CDS1: variants seen among roughly 807,000 people sequenced by gnomAD.
The protein encoded by CDS1 is phosphatidate cytidylyltransferase 1.
In CDS1, 41 loss-of-function variants were observed where a neutral mutation model predicts 62.1. The ratio of observed to expected loss-of-function variants is 0.66; its 90% CI spans 0.51 to 0.86. The LOEUF is 0.86. CDS1 is among the 40% of genes least tolerant of loss of function. The probability of loss-of-function intolerance (pLI) is 0.00; values close to 1 mark genes in which losing one functional copy is unlikely to be tolerated. For synonymous variants in CDS1, 185 were observed against 192.6 expected, an observed-to-expected ratio of 0.96 and a Z score of 0.32; for missense variants, 470 against 550.1, an observed-to-expected ratio of 0.85 and a Z score of 1.46.
At chr4:84,615,574 G>A (rs1448168768) in intron 3 of CDS1, among the ~76,000 whole-genome samples, 5 of 151,970 alleles carry the variant, frequency 3.3e-5, no homozygotes, top group East Asian at 1.9e-4. Flanking sequence ...TGGCTCTGCC[G>A]TTGCCCACCC....
At position 84,642,240 on chromosome 4, in the gene CDS1, C is replaced by G. The variant is rs541714008; in HGVS notation, c.1033-784C>G. On this transcript the variant is annotated intron_variant, in intron 10 of 12. Transcript: ENST00000295887. ...CTTTGGGAAGCTGAGGCAGGAGAAT[C>G]ACTTGAACCTGGGAGGCGGAGGTTG... Among the ~76,000 whole-genome samples the G allele has an allele frequency of 2.6e-5, 4 of 151,664 alleles. No homozygotes were observed. In the East Asian group the frequency reaches 7.8e-4, roughly 29 times the overall value.
At chr4:84,592,605 T>C (rs1200768420) in intron 1 of CDS1, among the ~76,000 whole-genome samples, 2 of 152,240 alleles carry the variant, frequency 1.3e-5, no homozygotes, top group Non-Finnish European at 2.9e-5. Context: ...TGCTTAAGAC[T>C]TTCTCAGAAC....
intron 12 of CDS1, 79 bp downstream of exon 12, chr4:84,645,404 C>A: frequency 1.2e-6 from 1 of 858,686 alleles, no homozygotes. Flanking sequence ...AGTAAGTTAA[C>A]TTTTTCCGTC....
rs1040762035 is a variant in CDS1 at position 84,607,528 on chromosome 4, G to A, written c.246-1901G>A. On this transcript the variant is annotated intron_variant, in intron 2 of 12. Transcript: ENST00000295887. ...TGTAGAGCTGGGTTTTTACCGTGTT[G>A]CCCAGGCTGGTCTCAAACTCCTGGG... 4.6e-5 allele frequency among the ~76,000 whole-genome samples: 7 copies of A among 151,118 alleles called. 1 individual carries two copies.
At chr4:84,587,926 T>TCCTA (rs1722468680) in intron 1 of CDS1, among the ~76,000 whole-genome samples, 2 of 152,164 alleles carry the variant, frequency 1.3e-5, no homozygotes, top group Admixed American at 1.3e-4. Flanking sequence ...AGTTAGTCTT[T>TCCTA]CCTAGATCCA....
intron 1 of CDS1, among the ~76,000 whole-genome samples, chr4:84,585,134 G>A (rs751810123): frequency 3.3e-5 from 5 of 152,122 alleles, no homozygotes; most frequent in Non-Finnish European, 7.4e-5. Context: ...ATTTAAAATG[G>A]AAACTACTTC....
intron 2 of CDS1, among the ~76,000 whole-genome samples, chr4:84,608,372 C>A (rs969794253): frequency 6.6e-6 from 1 of 152,160 alleles, no homozygotes; most frequent in African/African-American, 2.4e-5. Context: ...GACGGGGTTT[C>A]ACCGTGTTAG....
chr4:84,583,129 CT>C lies in CDS1; in HGVS notation c.-271del. On this transcript the variant is annotated 5_prime_UTR_variant, in exon 1 of 13. Coordinates refer to ENST00000295887, the MANE Select transcript of CDS1 (RefSeq NM_001263.4). Reference sequence around the variant, plus strand: ...TGGCAACCGGAGGCCGCGTCTCCGCCTTCTCTGCTCGCGCCTGGCGCCCGGA... The same window carrying C: ...TGGCAACCGGAGGCCGCGTCTCCGCCTCTCTGCTCGCGCCTGGCGCCCGGA... 2.5e-6 allele frequency: 1 copy of C among 400,394 alleles called. No homozygotes were observed. The highest frequency in any genetic ancestry group is 4.1e-5 in the South Asian group (1 of 24,576). The allele number at this position is 400,394 out of a possible 1,614,324, so 24.8% of individuals were successfully genotyped here. A position where few individuals can be genotyped will look rare whatever the true frequency, so the allele number is the denominator to read the frequency against.
rs1467822739 is a variant in CDS1, at chr4:84,609,606, A to G, written c.342+81A>G. ...AGGATTGAAGTAATTTGAGCATATC[A>G]TAAAAAAGAAGCTAATTCAACACTC... On this transcript the variant is annotated intron_variant, in intron 3 of 12. Transcript: ENST00000295887. 3.7e-6 allele frequency: 3 copies of G among 801,670 alleles called. No homozygotes were observed. In the East Asian group the frequency reaches 7.4e-5, roughly 20 times the overall value. 49.7% of individuals were successfully genotyped at this position (801,670 alleles called of 1,614,324 possible). A position where few individuals can be genotyped will look rare whatever the true frequency, so the allele number is the denominator to read the frequency against.
At chr4:84,644,496 T>C (rs1290123949) in intron 11 of CDS1, among the ~76,000 whole-genome samples, 1 of 152,234 alleles carries the variant, frequency 6.6e-6, no homozygotes, top group Non-Finnish European at 1.5e-5. Flanking sequence ...GATTTTTTGT[T>C]AAATGGTGAG....
At position 84,583,140 on chromosome 4, in the gene CDS1, G is replaced by A; in HGVS notation, c.-262G>A. ...GGCCGCGTCTCCGCCTTCTCTGCTC[G>A]CGCCTGGCGCCCGGAGCCTGCCCGG... On this transcript the variant is annotated 5_prime_UTR_variant, in exon 1 of 13. Coordinates refer to ENST00000295887, the MANE Select transcript of CDS1 (RefSeq NM_001263.4). 1 of 410,756 alleles carries A rather than the reference G, an allele frequency of 2.4e-6. No homozygotes were observed. The allele number at this position is 410,756 out of a possible 1,614,324, so 25.4% of individuals were successfully genotyped here. A position where few individuals can be genotyped will look rare whatever the true frequency, so the allele number is the denominator to read the frequency against.
chr4:84,597,020 G>A (rs1722771989), intron 1 of CDS1, among the ~76,000 whole-genome samples: 1 of 152,124 alleles, frequency 6.6e-6, no homozygotes, highest in Non-Finnish European at 1.5e-5. Context: ...GTGATGAGGA[G>A]GTAGGTGGAT....
intron 1 of CDS1, among the ~76,000 whole-genome samples, chr4:84,601,502 A>G (rs1044089889): frequency 1.3e-5 from 2 of 152,200 alleles, no homozygotes; most frequent in African/African-American, 4.8e-5. Flanking sequence ...TATGGGGTCC[A>G]TGAGATCACG....
chr4:84,645,895 G>A (rs1171495881), intron 12 of CDS1, among the ~76,000 whole-genome samples: 1 of 152,220 alleles, frequency 6.6e-6, no homozygotes, highest in African/African-American at 2.4e-5. Flanking sequence ...TCATGCCTGT[G>A]TGTGTAGGGG....
At chr4:84,626,844 A>G (rs545684622) in intron 5 of CDS1, among the ~76,000 whole-genome samples, 2 of 152,334 alleles carry the variant, frequency 1.3e-5, no homozygotes, top group East Asian at 3.9e-4. Flanking sequence ...GGCTGAGAAC[A>G]TGCACATCCA....
intron 1 of CDS1, among the ~76,000 whole-genome samples, chr4:84,592,997 G>A (rs1722637936): frequency 6.6e-6 from 1 of 152,160 alleles, no homozygotes; most frequent in African/African-American, 2.4e-5. Context: ...AAGCCCATCT[G>A]GAAGTTCACA....
At chr4:84,642,252 G>C (rs563202699) in intron 10 of CDS1, among the ~76,000 whole-genome samples, 1 of 152,016 alleles carries the variant, frequency 6.6e-6, no homozygotes, top group East Asian at 1.9e-4. Context: ...CTTGAACCTG[G>C]GAGGCGGAGG....
chr4:84,635,684 TTCCTTCCCTCCTTCCC>T (rs1262301513), intron 8 of CDS1, among the ~76,000 whole-genome samples: 1 of 83,600 alleles, frequency 1.2e-5, no homozygotes, highest in African/African-American at 5.5e-5. Flanking sequence ...CCTTCCTTCC[TTCCTTCCCTCCTTCCC>T]TCCCTCCCTC....
intron 1 of CDS1, among the ~76,000 whole-genome samples, chr4:84,596,090 G>T (rs530219971): frequency 6.6e-6 from 1 of 152,272 alleles, no homozygotes; most frequent in South Asian, 2.1e-4. Context: ...AGAGATGACA[G>T]TCATAATTCT....
Sources: allele counts gnomAD v4.1 joint callset (sites outside exome capture counted in the v4.1 genomes callset), GRCh38; gene constraint gnomAD v4.1.1; transcripts MANE v1.5; gene names NCBI Gene and HGNC (gene_info 2026-07-23, HGNC 2026-07-21).